AUTS2: variants seen among roughly 807,000 people sequenced by gnomAD.
AUTS2 encodes activator of transcription and developmental regulator AUTS2.
A neutral mutation model predicts 112.4 loss-of-function variants in AUTS2; 17 were observed. That is an observed-to-expected ratio of 0.15 (90% CI 0.10 to 0.23). AUTS2 has a LOEUF of 0.23. Among genes scored for constraint, AUTS2 ranks in the 10% least tolerant of loss-of-function variants. The pLI is 1.00. For missense variants in AUTS2, 1,510 were observed against 1,701.6 expected, an observed-to-expected ratio of 0.89 and a Z score of 1.98; for synonymous variants, 751 against 702.7, an observed-to-expected ratio of 1.07 and a Z score of -1.09.
intron 2 of AUTS2, among the ~76,000 whole-genome samples, chr7:70,032,024 G>A (rs1346424627): frequency 6.6e-6 from 1 of 152,114 alleles, no homozygotes; most frequent in Non-Finnish European, 1.5e-5. Flanking sequence ...AAACAGTATA[G>A]TAGTCGGGGT....
chr7:70,163,162 A>G (rs1808185170), intron 4 of AUTS2, among the ~76,000 whole-genome samples: 1 of 151,836 alleles, frequency 6.6e-6, no homozygotes, highest in South Asian at 2.1e-4. Context: ...TTTGGTTTAG[A>G]TAAGTTAACT....
At chr7:70,441,203 G>GT (rs1329769138) in intron 5 of AUTS2, among the ~76,000 whole-genome samples, 2 of 152,146 alleles carry the variant, frequency 1.3e-5, no homozygotes, top group Admixed American at 6.6e-5. Flanking sequence ...CCTGATTGCA[G>GT]TTTTTTCTCT....
chr7:69,978,067 G>A (rs1307068336), intron 2 of AUTS2, among the ~76,000 whole-genome samples: 1 of 152,168 alleles, frequency 6.6e-6, no homozygotes, highest in African/African-American at 2.4e-5. Flanking sequence ...ATAACATAAT[G>A]TTGAGAGTAT....
intron 5 of AUTS2, among the ~76,000 whole-genome samples, chr7:70,581,573 G>A (rs1802446384): frequency 6.6e-6 from 1 of 152,094 alleles, no homozygotes; most frequent in Non-Finnish European, 1.5e-5. Context: ...GATTCATTGG[G>A]CTCTTAACCA....
At chr7:70,091,196 CT>C in intron 2 of AUTS2, among the ~76,000 whole-genome samples, 1 of 152,092 alleles carries the variant, frequency 6.6e-6, no homozygotes, top group Non-Finnish European at 1.5e-5. Flanking sequence ...TCATTCTAAT[CT>C]TTAACCTCTG....
At chr7:70,388,026 C>T (rs1793691356) in intron 4 of AUTS2, among the ~76,000 whole-genome samples, 1 of 152,160 alleles carries the variant, frequency 6.6e-6, no homozygotes, top group Non-Finnish European at 1.5e-5. Flanking sequence ...TATGTTCTGT[C>T]CTAAGCAAAG....
intron 1 of AUTS2, among the ~76,000 whole-genome samples, chr7:69,836,093 A>C (rs2129528039): frequency 6.6e-6 from 1 of 152,340 alleles, no homozygotes; most frequent in East Asian, 1.9e-4. Context: ...GAAATGTCAA[A>C]GTGACAGATT....
chr7:69,896,027 T>TA (rs1794727618), intron 1 of AUTS2, among the ~76,000 whole-genome samples: 1 of 152,224 alleles, frequency 6.6e-6, no homozygotes, highest in Non-Finnish European at 1.5e-5. Context: ...AATCACATTA[T>TA]ATAGAAGCAG....
intron 4 of AUTS2, among the ~76,000 whole-genome samples, chr7:70,288,171 G>A (rs1424564095): frequency 6.6e-6 from 1 of 152,132 alleles, no homozygotes; most frequent in East Asian, 1.9e-4. Context: ...CCAGCACTTT[G>A]GGAGGCCGAG....
At chr7:69,965,508 C>T (rs1456635994) in intron 2 of AUTS2, among the ~76,000 whole-genome samples, 1 of 152,068 alleles carries the variant, frequency 6.6e-6, no homozygotes, top group Non-Finnish European at 1.5e-5. Context: ...GGGAGAAGTT[C>T]AATACGCTAT....
At chr7:70,528,093 A>ATTTTTTTTT (rs10651355) in intron 5 of AUTS2, among the ~76,000 whole-genome samples, 1,277 of 97,088 alleles carry the variant, frequency 0.013, 36 homozygotes, top group Non-Finnish European at 0.02. Flanking sequence ...AAATTTAAGG[A>ATTTTTTTTT]TTTTTTTTTT....
intron 6 of AUTS2, among the ~76,000 whole-genome samples, chr7:70,714,089 G>A (rs1360930359): frequency 6.6e-6 from 1 of 151,972 alleles, no homozygotes; most frequent in Admixed American, 6.6e-5. Context: ...TTTTCAACAG[G>A]GAATATCACA....
At chr7:70,168,565 C>T (rs1808505629) in intron 4 of AUTS2, among the ~76,000 whole-genome samples, 1 of 152,170 alleles carries the variant, frequency 6.6e-6, no homozygotes, top group Admixed American at 6.5e-5. Context: ...GACCTGCCCG[C>T]CTTGGCTTCC....
intron 5 of AUTS2, among the ~76,000 whole-genome samples, chr7:70,645,368 C>T (rs1048000171): frequency 1.8e-4 from 27 of 151,968 alleles, no homozygotes; most frequent in Admixed American, 1.3e-4. Context: ...CAACAGTTCA[C>T]GTGAGAAGTG....
intron 5 of AUTS2, among the ~76,000 whole-genome samples, chr7:70,440,249 AT>A (rs1436465840): frequency 5.2e-4 from 78 of 149,902 alleles, no homozygotes; most frequent in African/African-American, 1.8e-3. Flanking sequence ...AAAAAAAAAA[AT>A]CTTAAAACTT....
chr7:70,092,243 C>T (rs973936971), intron 2 of AUTS2, among the ~76,000 whole-genome samples: 7 of 152,136 alleles, frequency 4.6e-5, no homozygotes, highest in South Asian at 4.2e-4. Context: ...ATATTTTAGC[C>T]GTAAACTTAA....
intron 2 of AUTS2, among the ~76,000 whole-genome samples, chr7:70,066,109 TAATC>T (rs1423816112): frequency 6.6e-6 from 1 of 152,204 alleles, no homozygotes; most frequent in Non-Finnish European, 1.5e-5. Flanking sequence ...AATAAGAAAT[TAATC>T]AGTTTGATAA....
At chr7:70,687,795 G>A (rs543879266) in intron 5 of AUTS2, among the ~76,000 whole-genome samples, 14 of 152,294 alleles carry the variant, frequency 9.2e-5, no homozygotes, top group Admixed American at 7.2e-4. Flanking sequence ...GGGGGGCACT[G>A]AGCAGAGGAA....
chr7:69,749,229 C>T (rs925835978), intron 1 of AUTS2, among the ~76,000 whole-genome samples: 19 of 152,116 alleles, frequency 1.2e-4, no homozygotes, highest in Non-Finnish European at 2.5e-4. Flanking sequence ...TTTGAGTCCA[C>T]CGCCCCCCAC....
Sources: allele counts gnomAD v4.1 joint callset (sites outside exome capture counted in the v4.1 genomes callset), GRCh38; gene constraint gnomAD v4.1.1; transcripts MANE v1.5; gene names NCBI Gene and HGNC (gene_info 2026-07-23, HGNC 2026-07-21).